The following LHFPL3 variants were observed in gnomAD, a reference collection of about 807,000 sequenced individuals.
LHFPL3 encodes the protein LHFPL tetraspan subfamily member 3, also known as LHFPL tetraspan subfamily member 3 protein.
Under a neutral mutation model 19.3 loss-of-function variants are expected in LHFPL3, and 5 were observed. The ratio of observed to expected loss-of-function variants is 0.26; its 90% CI spans 0.14 to 0.54. The LOEUF (loss-of-function observed/expected upper bound fraction) is 0.54. Ranked by LOEUF, LHFPL3 falls within the 20% of genes least tolerant of loss-of-function variation. The pLI is 0.94. For missense variants in LHFPL3, 249 were observed against 307.4 expected, an observed-to-expected ratio of 0.81 and a Z score of 1.42; for synonymous variants, 133 against 126.2, an observed-to-expected ratio of 1.05 and a Z score of -0.36.
intron 1 of LHFPL3, among the ~76,000 whole-genome samples, chr7:104,530,589 A>G (rs892679521): frequency 6.6e-6 from 1 of 152,372 alleles, no homozygotes; most frequent in Non-Finnish European, 1.5e-5. Flanking sequence ...TGTGAAGCTC[A>G]TAACTATTCA....
rs959155237 is a variant in LHFPL3 at position 104,522,952 on chromosome 7, G to C, written c.445+193728G>C. ...GAAGTAACAGGGTCATCTGCTGTCT[G>C]TCTCTCTCTCTATATATATCTGTGT... On this transcript the variant is annotated intron_variant, in intron 1 of 2. Coordinates refer to ENST00000424859, the MANE Select transcript of LHFPL3 (RefSeq NM_199000.3). 2.3e-5 allele frequency among the ~76,000 whole-genome samples: 3 copies of C among 133,020 alleles called. No individual in the cohort carries two copies. In the East Asian group the frequency reaches 6.7e-4, roughly 30 times the overall value. The allele number at this position is 133,020 out of a possible 152,430, so 87.3% of individuals were successfully genotyped here. A position where few individuals can be genotyped will look rare whatever the true frequency, so the allele number is the denominator to read the frequency against.
chr7:104,886,414 G>T (rs933167737), intron 2 of LHFPL3, among the ~76,000 whole-genome samples: 2 of 152,140 alleles, frequency 1.3e-5, no homozygotes, highest in African/African-American at 4.8e-5. Context: ...CGCCAGGCTG[G>T]AGTGCAGTGG....
At chr7:104,554,839 G>A (rs1326010818) in intron 1 of LHFPL3, among the ~76,000 whole-genome samples, 1 of 152,160 alleles carries the variant, frequency 6.6e-6, no homozygotes, top group Non-Finnish European at 1.5e-5. Context: ...GGAGCCAATG[G>A]TATAACTCTC....
intron 1 of LHFPL3, among the ~76,000 whole-genome samples, chr7:104,611,650 C>T (rs1272205195): frequency 6.6e-6 from 1 of 151,952 alleles, no homozygotes; most frequent in Non-Finnish European, 1.5e-5. Flanking sequence ...TTCATCTTCT[C>T]ATTTCCAAGG....
At chr7:104,873,121 C>A (rs1039979435) in intron 2 of LHFPL3, among the ~76,000 whole-genome samples, 5 of 152,126 alleles carry the variant, frequency 3.3e-5, no homozygotes, top group African/African-American at 1.2e-4. Context: ...CTGTTGTAGA[C>A]CAAAACACCA....
chr7:104,500,338 GA>G (rs1406219884), intron 1 of LHFPL3, among the ~76,000 whole-genome samples: 1 of 145,706 alleles, frequency 6.9e-6, no homozygotes, highest in African/African-American at 2.8e-5. Flanking sequence ...AAAGTTGAAA[GA>G]ATTTTTTATA....
At chr7:104,668,803 C>T (rs1397529875) in intron 1 of LHFPL3, 1 of 1,611,412 alleles carries the variant, frequency 6.2e-7, no homozygotes, top group Non-Finnish European at 8.5e-7. Flanking sequence ...ACTCCCAGTC[C>T]ACTCGAGCTG....
At chr7:104,341,861 C>G (rs186808431) in intron 1 of LHFPL3, among the ~76,000 whole-genome samples, 6 of 151,234 alleles carry the variant, frequency 4.0e-5, no homozygotes, top group Non-Finnish European at 2.9e-5. Flanking sequence ...TTCTAGAGGA[C>G]GGAGGGTGGA....
chr7:104,416,542 T>A (rs770723301), intron 1 of LHFPL3, among the ~76,000 whole-genome samples: 51 of 152,216 alleles, frequency 3.4e-4, no homozygotes, highest in Non-Finnish European at 6.2e-4. Context: ...CTAGGGCACA[T>A]GCCCATGTCC....
rs959734295 is a variant in LHFPL3, at chr7:104,366,287, T to C, written c.445+37063T>C. ...AATGGAGCAGGAATTGCACTATCTT[T>C]TTGAGAAGATGGAGGAAGAGGGGAA... On this transcript the variant is annotated intron_variant, in intron 1 of 2. Transcript: ENST00000424859. 2.3e-4 allele frequency among the ~76,000 whole-genome samples: 35 copies of C among 152,156 alleles called. 1 individual carries two copies. Among genetic ancestry groups the C allele is most frequent in the Admixed American group, 2.6e-4 (4 of 15,280 alleles).
At chr7:104,463,764 C>T (rs1792721465) in intron 1 of LHFPL3, among the ~76,000 whole-genome samples, 1 of 152,172 alleles carries the variant, frequency 6.6e-6, no homozygotes, top group African/African-American at 2.4e-5. Context: ...ATTCAATTAC[C>T]TTCCACTGGA....
chr7:104,694,875 C>T (rs1214087693), intron 1 of LHFPL3, among the ~76,000 whole-genome samples: 1 of 152,192 alleles, frequency 6.6e-6, no homozygotes, highest in Non-Finnish European at 1.5e-5. Flanking sequence ...GATACTTATG[C>T]TGAAGAGTGC....
chr7:104,397,432 C>A (rs1025334634), intron 1 of LHFPL3, among the ~76,000 whole-genome samples: 1 of 152,074 alleles, frequency 6.6e-6, no homozygotes, highest in Non-Finnish European at 1.5e-5. Flanking sequence ...TTCACCACAC[C>A]ACCTAAGAAA....
At chr7:104,637,641 C>T (rs909302991) in intron 1 of LHFPL3, among the ~76,000 whole-genome samples, 1 of 152,048 alleles carries the variant, frequency 6.6e-6, no homozygotes, top group Non-Finnish European at 1.5e-5. Context: ...ATAGGGAGTC[C>T]TTTCCCCATT....
At chr7:104,524,604 A>G (rs1045435182) in intron 1 of LHFPL3, among the ~76,000 whole-genome samples, 1 of 152,098 alleles carries the variant, frequency 6.6e-6, no homozygotes, top group Non-Finnish European at 1.5e-5. Flanking sequence ...TGATCCAAGG[A>G]CTCCTGATAG....
intron 1 of LHFPL3, among the ~76,000 whole-genome samples, chr7:104,719,927 T>A (rs886533872): frequency 6.6e-6 from 1 of 152,122 alleles, no homozygotes; most frequent in Admixed American, 6.6e-5. Flanking sequence ...AATAATAATG[T>A]CAAGGTTGGT....
chr7:104,590,821 G>A (rs149137780), intron 1 of LHFPL3, among the ~76,000 whole-genome samples: 6,399 of 152,236 alleles, frequency 0.042, 210 homozygotes, highest in Non-Finnish European at 0.068. Flanking sequence ...TATATATTTA[G>A]GATAGTTAGC....
intron 2 of LHFPL3, among the ~76,000 whole-genome samples, chr7:104,792,004 A>G (rs1354079178): frequency 6.6e-6 from 1 of 152,136 alleles, no homozygotes; most frequent in African/African-American, 2.4e-5. Flanking sequence ...GGTTATGGAG[A>G]GATATTGGAT....
chr7:104,375,814 AAAG>A (rs1236686755), intron 1 of LHFPL3, among the ~76,000 whole-genome samples: 1 of 152,208 alleles, frequency 6.6e-6, no homozygotes, highest in Non-Finnish European at 1.5e-5. Flanking sequence ...TTTATTTTCC[AAAG>A]AAGGCATTAT....
Sources: allele counts gnomAD v4.1 joint callset (sites outside exome capture counted in the v4.1 genomes callset), GRCh38; gene constraint gnomAD v4.1.1; transcripts MANE v1.5; gene names NCBI Gene and HGNC (gene_info 2026-07-23, HGNC 2026-07-21).